RGSL1: variants seen among roughly 807,000 people sequenced by gnomAD.
The protein encoded by RGSL1 is regulator of G protein signaling protein-like.
A neutral mutation model predicts 124.7 loss-of-function variants in RGSL1; 97 were observed. The observed-to-expected ratio is 0.78, with a 90% confidence interval of 0.66 to 0.92. The LOEUF (loss-of-function observed/expected upper bound fraction) is 0.92, where lower values mean the gene tolerates loss of function less well. Among genes scored for constraint, RGSL1 ranks in the 40% least tolerant of loss-of-function variants. The pLI is 0.00. For missense variants in RGSL1, 1,233 were observed against 1,288.4 expected (o/e 0.96, Z 0.66); for synonymous variants, 424 against 438.1 (o/e 0.97, Z 0.40).
chr1:182,472,441 G>A lies in RGSL1; in HGVS notation c.347G>A (p.Ser116Asn). 6 of 1,551,146 alleles carry A rather than the reference G, an allele frequency of 3.9e-6. No individual in the cohort carries two copies. Among genetic ancestry groups the A allele is most frequent in the South Asian group, 1.2e-5 (1 of 83,954 alleles). The change falls in exon 5 of 22, where the codon AGC (serine) becomes AAC (asparagine). Residue 116 changes from serine (S) to asparagine (N), a missense_variant. By Grantham distance (46) the Ser-to-Asn change is conservative (BLOSUM62 1). Coordinates refer to ENST00000294854, the MANE Select transcript of RGSL1 (RefSeq NM_001137669.2). ...TGGATCCTTGCTGAGAACATCCTGAGCATAGATGAGATGGACCTGGAAGTG... is the reference window on the plus strand; with the variant it reads ...TGGATCCTTGCTGAGAACATCCTGAACATAGATGAGATGGACCTGGAAGTG... Reference protein sequence around the residue: ...DFWILAENILSIDEMDLEVRD... With the variant: ...DFWILAENILNIDEMDLEVRD...
chr1:182,548,324 G>A lies in RGSL1; in HGVS notation c.2677G>A (p.Asp893Asn), dbSNP rs372457774. ...TTCACATTTCTTTTTTAGATTTAAT[G>A]ATCTGGTCAGTTCAGCCCACATGCT... ...YFFSEMEKFN[D>N]LVSSAHMLQV... The change falls in exon 16 of 22, where the codon GAT becomes AAT. Residue 893 changes from aspartate (D) to asparagine (N), a missense_variant. Physicochemically the swap from Asp to Asn is conservative, Grantham distance 23. Coordinates refer to ENST00000294854, the MANE Select transcript of RGSL1 (RefSeq NM_001137669.2). 1.9e-6 allele frequency: 3 copies of A among 1,551,862 alleles called. No homozygotes were observed. The highest frequency in any genetic ancestry group is 2.6e-6 in the Non-Finnish European group (3 of 1,147,018).
intron 14 of RGSL1, among the ~76,000 whole-genome samples, chr1:182,536,971 G>A (rs915048885): frequency 1.3e-5 from 2 of 152,136 alleles, no homozygotes; most frequent in Non-Finnish European, 1.5e-5. Flanking sequence ...GTGTCTGTCC[G>A]TATCTCTTGC....
At chr1:182,531,341 C>T (rs1159683655) in intron 13 of RGSL1, among the ~76,000 whole-genome samples, 2 of 152,140 alleles carry the variant, frequency 1.3e-5, no homozygotes, top group African/African-American at 4.8e-5. Context: ...GCTGAGAACA[C>T]CATTTCCTTC....
At chr1:182,472,280 T>A in intron 4 of RGSL1, 116 bp from the exon 5 acceptor site, 1 of 935,428 alleles carries the variant, frequency 1.1e-6, no homozygotes, top group Non-Finnish European at 1.5e-6. Context: ...TCACCAGGAA[T>A]GATGATTGAT....
Position 182,493,139 on chromosome 1 carries a change from T to A in RGSL1, c.1825+10T>A. The A allele has an allele frequency of 6.6e-7, 1 of 1,514,568 alleles. No individual in the cohort carries two copies. The highest frequency in any genetic ancestry group is 9.0e-7 in the Non-Finnish European group (1 of 1,113,574). 93.8% of individuals were successfully genotyped at this position (1,514,568 alleles called of 1,614,324 possible). Reference sequence around the variant, plus strand: ...AAAGCACCTAAAATAGGCAAGTGTTTAAAATCAGGGATAGACGAGGCAACT... The same window carrying A: ...AAAGCACCTAAAATAGGCAAGTGTTAAAAATCAGGGATAGACGAGGCAACT... On this transcript the variant is annotated intron_variant, in intron 9 of 21. Transcript: ENST00000294854.
intron 9 of RGSL1, 65 bp downstream of exon 9, chr1:182,493,194 T>C: frequency 9.0e-7 from 1 of 1,117,020 alleles, no homozygotes; most frequent in Admixed American, 2.1e-5. Flanking sequence ...AGAAAATCTG[T>C]AATCTTGTGT....
intron 9 of RGSL1, among the ~76,000 whole-genome samples, chr1:182,498,042 G>T (rs942717653): frequency 1.7e-4 from 26 of 152,194 alleles, no homozygotes; most frequent in East Asian, 1.2e-3. Flanking sequence ...TGTGGTACCT[G>T]CCAGGATTCT....
intron 14 of RGSL1, among the ~76,000 whole-genome samples, chr1:182,536,040 T>C (rs945080072): frequency 6.6e-6 from 1 of 152,224 alleles, no homozygotes; most frequent in African/African-American, 2.4e-5. Context: ...AGCAGTAGTC[T>C]TAATGCATGC....
intron 11 of RGSL1, among the ~76,000 whole-genome samples, chr1:182,529,942 C>G (rs1364156822): frequency 6.6e-6 from 1 of 152,114 alleles, no homozygotes. Flanking sequence ...CTCTCTAAAT[C>G]CAAGTTTTTC....
chr1:182,554,537 A>C (rs1660749666), intron 19 of RGSL1, 90 bp from the exon 20 acceptor site: 1 of 1,161,128 alleles, frequency 8.6e-7, no homozygotes, highest in African/African-American at 1.5e-5. Context: ...GTGGAAGCCC[A>C]CCCAGCATGG....
At chr1:182,476,646 A>G (rs1397061253) in intron 6 of RGSL1, among the ~76,000 whole-genome samples, 1 of 152,244 alleles carries the variant, frequency 6.6e-6, no homozygotes, top group Non-Finnish European at 1.5e-5. Flanking sequence ...AAATAAATAA[A>G]AGGAAATGAG....
At chr1:182,524,058 A>T (rs1658553852) in intron 10 of RGSL1, among the ~76,000 whole-genome samples, 1 of 152,244 alleles carries the variant, frequency 6.6e-6, no homozygotes, top group African/African-American at 2.4e-5. Context: ...TAATATTCAA[A>T]GACTTAAAAA....
intron 21 of RGSL1, among the ~76,000 whole-genome samples, chr1:182,559,147 C>T (rs1661028900): frequency 6.6e-6 from 1 of 152,178 alleles, no homozygotes; most frequent in Admixed American, 6.5e-5. Flanking sequence ...CTGTGGCTCT[C>T]CTGTTGAACT....
At chr1:182,455,851 A>G (rs1166757136) in intron 2 of RGSL1, among the ~76,000 whole-genome samples, 1 of 152,204 alleles carries the variant, frequency 6.6e-6, no homozygotes, top group Non-Finnish European at 1.5e-5. Flanking sequence ...ACATTACCCC[A>G]AGGTGTTAGA....
At chr1:182,503,346 T>C (rs1405569256) in intron 9 of RGSL1, among the ~76,000 whole-genome samples, 2 of 152,012 alleles carry the variant, frequency 1.3e-5, no homozygotes, top group African/African-American at 2.4e-5. Context: ...TCCAGATGAA[T>C]TGATAAAGAA....
In RGSL1 at chr1:182,521,986, T is replaced by C. The variant is rs1420483635; in HGVS notation, c.1826-18T>C. On this transcript the variant is annotated intron_variant, in intron 9 of 21. Coordinates refer to ENST00000294854, the MANE Select transcript of RGSL1 (RefSeq NM_001137669.2). ...GCTTATAATATAGTGTTCTCCAACT[T>C]AGTGATTTTTTTTTTAGATTTTAAA... 3.4e-6 allele frequency: 5 copies of C among 1,460,948 alleles called. No individual in the cohort carries two copies. The East Asian group carries it at 9.9e-5, about 29-fold the overall frequency. The allele number at this position is 1,460,948 out of a possible 1,614,324, so 90.5% of individuals were successfully genotyped here.
Position 182,454,040 on chromosome 1 carries a change from G to A in RGSL1, c.96G>A (p.Pro32=), listed in dbSNP as rs775476884. The stretch of plus-strand genomic sequence containing the variant: ...TTTTCAACACATTTCTTTCCCTCCC[G>A]GTAAGCATTCTCAGATTTAAATACA... ...ADFFNTFLSL[P]VFGQTPFYTV... is the part of the protein sequence containing the mutation. Residue 32 remains proline, a splice_region_variant and synonymous_variant, in exon 2 of 22, where the codon CCG becomes CCA. Transcript: ENST00000294854. 116 of 1,490,158 alleles carry A rather than the reference G, an allele frequency of 7.8e-5. 2 individuals are homozygous for A. The highest frequency in any genetic ancestry group is 3.3e-4 in the Admixed American group (17 of 50,872). 92.3% of individuals were successfully genotyped at this position (1,490,158 alleles called of 1,614,324 possible).
chr1:182,544,541 G>A (rs1660088974), intron 15 of RGSL1, among the ~76,000 whole-genome samples: 2 of 151,884 alleles, frequency 1.3e-5, no homozygotes, highest in South Asian at 4.1e-4. Flanking sequence ...GCAATTTTTT[G>A]TTGTTGTTGA....
intron 3 of RGSL1, among the ~76,000 whole-genome samples, 171 bp downstream of exon 3, chr1:182,458,564 G>A (rs1652542413): frequency 1.3e-5 from 2 of 152,138 alleles, no homozygotes; most frequent in African/African-American, 4.8e-5. Flanking sequence ...TTGCCTCCCT[G>A]GCTCAAGCAA....
Sources: gnomAD v4.1 joint callset for allele counts (sites outside exome capture counted in the v4.1 genomes callset) on GRCh38, gnomAD v4.1.1 for gene constraint, MANE v1.5 for transcripts, NCBI Gene and HGNC (gene_info 2026-07-23, HGNC 2026-07-21) for gene names.